The following RBKS variants were observed in gnomAD, a reference collection of about 807,000 sequenced individuals.
The protein encoded by RBKS is ribokinase.
A neutral mutation model predicts 33.9 loss-of-function variants in RBKS; 33 were observed. That is an observed-to-expected ratio of 0.97 (90% confidence interval 0.74 to 1.30). The LOEUF (loss-of-function observed/expected upper bound fraction) is 1.30. Ranked by LOEUF, RBKS falls within the 50% of genes most tolerant of loss-of-function variation. The pLI is 0.00. For synonymous variants in RBKS, 125 were observed against 143.0 expected, an observed-to-expected ratio of 0.87 and a Z score of 0.90; for missense variants, 361 against 392.6, an observed-to-expected ratio of 0.92 and a Z score of 0.68.
chr2:27,781,570 A>G lies in RBKS; in HGVS notation c.*45T>C, dbSNP rs776440262. ...CATTAGCCAGGAGCAGCCACCCCCA[A>G]GTACATTTTATTCCCAGGTATATTT... On this transcript the variant is annotated 3_prime_UTR_variant, in exon 8 of 8. Coordinates refer to ENST00000302188, the MANE Select transcript of RBKS (RefSeq NM_022128.3). The G allele has an allele frequency of 1.3e-6, 2 of 1,508,590 alleles. No homozygotes were observed. The highest frequency in any genetic ancestry group is 1.8e-6 in the Non-Finnish European group (2 of 1,113,142). 93.5% of individuals were successfully genotyped at this position (1,508,590 alleles called of 1,614,324 possible).
chr2:27,790,564 T>C (rs557921107), intron 7 of RBKS, among the ~76,000 whole-genome samples: 2 of 152,220 alleles, frequency 1.3e-5, no homozygotes, highest in East Asian at 3.9e-4. Context: ...AACTCAATAA[T>C]ACAATCCAAT....
intron 2 of RBKS, among the ~76,000 whole-genome samples, chr2:27,858,212 C>T (rs1422005962): frequency 6.6e-6 from 1 of 152,084 alleles, no homozygotes; most frequent in Non-Finnish European, 1.5e-5. Flanking sequence ...AAAGGGAAGA[C>T]AGAATGAGGA....
intron 1 of RBKS, among the ~76,000 whole-genome samples, chr2:27,873,694 A>G (rs1664258805): frequency 1.3e-5 from 2 of 152,212 alleles, no homozygotes. Context: ...CAGATGTAAA[A>G]TATAATTTTT....
intron 5 of RBKS, among the ~76,000 whole-genome samples, chr2:27,840,929 A>G (rs1411670960): frequency 6.6e-6 from 1 of 152,226 alleles, no homozygotes; most frequent in African/African-American, 2.4e-5. Flanking sequence ...AAAGTACTTT[A>G]TAAGATGTAA....
At chr2:27,867,103 C>CA (rs59698190) in intron 1 of RBKS, among the ~76,000 whole-genome samples, 6,370 of 140,704 alleles carry the variant, frequency 0.045, 187 homozygotes, top group African/African-American at 0.075. Context: ...GACCCTGTCT[C>CA]AAAAAAAAAA....
At chr2:27,847,762 T>C (rs1243408472) in intron 3 of RBKS, among the ~76,000 whole-genome samples, 1 of 152,240 alleles carries the variant, frequency 6.6e-6, no homozygotes, top group Non-Finnish European at 1.5e-5. Flanking sequence ...TAAAACATCT[T>C]TTGTGAATGC....
intron 7 of RBKS, among the ~76,000 whole-genome samples, chr2:27,803,823 G>C (rs191611307): frequency 6.6e-6 from 1 of 152,292 alleles, no homozygotes; most frequent in African/African-American, 2.4e-5. Flanking sequence ...AAGGTGGGCA[G>C]ATCACTTGAG....
chr2:27,880,617 C>A (rs750995670), intron 1 of RBKS, among the ~76,000 whole-genome samples: 1 of 152,144 alleles, frequency 6.6e-6, no homozygotes, highest in African/African-American at 2.4e-5. Flanking sequence ...TTCCTATACA[C>A]CAAGAGTCAA....
intron 7 of RBKS, among the ~76,000 whole-genome samples, chr2:27,782,151 TTGA>T (rs1242730108): frequency 2.6e-5 from 4 of 151,964 alleles, no homozygotes; most frequent in African/African-American, 9.7e-5. Flanking sequence ...TTCTTTGTTT[TTGA>T]TGATTTTTTT....
At chr2:27,791,696 TATAC>T (rs1185436179) in intron 7 of RBKS, among the ~76,000 whole-genome samples, 5 of 150,552 alleles carry the variant, frequency 3.3e-5, no homozygotes, top group South Asian at 2.1e-4. Flanking sequence ...TACATATACA[TATAC>T]GTATACATCT....
intron 7 of RBKS, among the ~76,000 whole-genome samples, chr2:27,816,743 G>T (rs1475819894): frequency 6.6e-6 from 1 of 152,034 alleles, no homozygotes; most frequent in Non-Finnish European, 1.5e-5. Flanking sequence ...GACTACAGGT[G>T]CCTGCCACCA....
Position 27,781,443 on chromosome 2 carries a change from A to G in RBKS, c.*172T>C. The G allele has an allele frequency of 1.7e-6, 1 of 573,960 alleles. No homozygotes were observed. The highest frequency in any genetic ancestry group is 3.5e-5 in the Admixed American group (1 of 28,862). 35.6% of individuals were successfully genotyped at this position (573,960 alleles called of 1,614,324 possible). On this transcript the variant is annotated 3_prime_UTR_variant, in exon 8 of 8. Coordinates refer to ENST00000302188, the MANE Select transcript of RBKS (RefSeq NM_022128.3). Reference sequence around the variant, plus strand: ...CTGGTTGTTTTGTGCAAATGCATGGAAAGCAAAAGAATCATCGTTATAAAT... The same window carrying G: ...CTGGTTGTTTTGTGCAAATGCATGGGAAGCAAAAGAATCATCGTTATAAAT...
chr2:27,784,053 G>A (rs1426944346), intron 7 of RBKS, among the ~76,000 whole-genome samples: 2 of 103,646 alleles, frequency 1.9e-5, no homozygotes, highest in South Asian at 3.7e-4. Context: ...GCGGGATCTC[G>A]GCTCACTGCA....
intron 7 of RBKS, among the ~76,000 whole-genome samples, chr2:27,823,376 T>C (rs776774708): frequency 2.1e-4 from 32 of 152,350 alleles, no homozygotes; most frequent in Middle Eastern, 3.4e-3. Context: ...AAATGGCTTC[T>C]TCTAGGCAGG....
At chr2:27,845,888 T>TA (rs1178812909) in intron 4 of RBKS, among the ~76,000 whole-genome samples, 2 of 152,142 alleles carry the variant, frequency 1.3e-5, no homozygotes, top group African/African-American at 2.4e-5. Context: ...GATTCTGATT[T>TA]AAAAAAACTT....
intron 1 of RBKS, among the ~76,000 whole-genome samples, chr2:27,869,494 GT>G (rs1664161240): frequency 6.6e-6 from 1 of 152,198 alleles, no homozygotes; most frequent in South Asian, 2.1e-4. Context: ...CACAAAAAGT[GT>G]GACTTACCTG....
intron 1 of RBKS, among the ~76,000 whole-genome samples, chr2:27,859,700 C>T (rs927665098): frequency 6.6e-6 from 1 of 151,576 alleles, no homozygotes; most frequent in Non-Finnish European, 1.5e-5. Context: ...GTAGGTGTGA[C>T]CAAAAAAGGT....
At position 27,879,856 on chromosome 2, in the gene RBKS, C is replaced by A. The variant is rs185015227; in HGVS notation, c.89+10401G>T. ...ACTGAATCAGTAATAAATAGCCTACCAACTAAAAAATAGGCCAGGAGCAGA... is the reference window on the plus strand; with the variant it reads ...ACTGAATCAGTAATAAATAGCCTACAAACTAAAAAATAGGCCAGGAGCAGA... On this transcript the variant is annotated intron_variant, in intron 1 of 7. Coordinates refer to ENST00000302188, the MANE Select transcript of RBKS (RefSeq NM_022128.3). 2.6e-3 allele frequency among the ~76,000 whole-genome samples: 401 copies of A among 152,150 alleles called. 8 individuals carry two copies. Among genetic ancestry groups the A allele is most frequent in the Admixed American group, 0.021 (321 of 15,282 alleles).
intron 1 of RBKS, among the ~76,000 whole-genome samples, chr2:27,860,600 A>G (rs1663956227): frequency 6.6e-6 from 1 of 152,172 alleles, no homozygotes; most frequent in Non-Finnish European, 1.5e-5. Context: ...GGATGTATAT[A>G]TATATGTGGG....
Sources: gnomAD v4.1 joint callset for allele counts (sites outside exome capture counted in the v4.1 genomes callset) on GRCh38, gnomAD v4.1.1 for gene constraint, MANE v1.5 for transcripts, NCBI Gene and HGNC (gene_info 2026-07-23, HGNC 2026-07-21) for gene names.